Variants in MXI1 observed in about 807,000 individuals in gnomAD.
MXI1 encodes the protein max-interacting protein 1.
Under a neutral mutation model 36.9 loss-of-function variants are expected in MXI1, and 18 were observed. That is an observed-to-expected ratio of 0.49 (90% CI 0.34 to 0.72). The LOEUF is 0.72. Among genes scored for constraint, MXI1 ranks in the 30% least tolerant of loss-of-function variants. MXI1 has a pLI of 0.01. For missense variants in MXI1, 304 were observed against 379.1 expected (o/e 0.80, Z 1.64); for synonymous variants, 160 against 146.7 (o/e 1.09, Z -0.65).
chr10:110,284,185 G>T (rs1857361029), intron 5 of MXI1, among the ~76,000 whole-genome samples: 1 of 151,550 alleles, frequency 6.6e-6, no homozygotes, highest in African/African-American at 2.4e-5. Context: ...CCACCAAAAT[G>T]GATCTCACTA....
chr10:110,239,801 T>C (rs1157947443), intron 2 of MXI1, among the ~76,000 whole-genome samples: 1 of 152,130 alleles, frequency 6.6e-6, no homozygotes, highest in Non-Finnish European at 1.5e-5. Context: ...AAAATGTACA[T>C]ACAAAAAAAG....
At chr10:110,276,546 A>G (rs1232694450) in intron 3 of MXI1, among the ~76,000 whole-genome samples, 1 of 152,182 alleles carries the variant, frequency 6.6e-6, no homozygotes, top group African/African-American at 2.4e-5. Context: ...CTCATTCAGT[A>G]TGGACCAAAT....
chr10:110,237,173 T>C (rs1272349556), intron 2 of MXI1, among the ~76,000 whole-genome samples: 3 of 152,218 alleles, frequency 2.0e-5, no homozygotes, highest in African/African-American at 7.2e-5. Context: ...TTTTATTTCT[T>C]CCATTTCCTT....
intron 3 of MXI1, among the ~76,000 whole-genome samples, chr10:110,261,467 GGCAAAA>G (rs1272672812): frequency 2.7e-5 from 4 of 150,750 alleles, no homozygotes; most frequent in Non-Finnish European, 5.9e-5. Context: ...GAGAGTGTGA[GGCAAAA>G]GCCAAAGCTC....
chr10:110,262,630 T>C (rs566529028), intron 3 of MXI1, among the ~76,000 whole-genome samples: 2 of 152,254 alleles, frequency 1.3e-5, no homozygotes, highest in Admixed American at 1.3e-4. Context: ...TACAGTACTT[T>C]AAAGTAAGAT....
intron 3 of MXI1, among the ~76,000 whole-genome samples, chr10:110,265,615 T>C (rs1403882779): frequency 2.0e-5 from 3 of 152,166 alleles, no homozygotes; most frequent in African/African-American, 7.2e-5. Context: ...GTAATGGGAA[T>C]AGGATAAAAG....
chr10:110,280,751 C>G (rs193274962), intron 5 of MXI1, among the ~76,000 whole-genome samples: 1 of 151,524 alleles, frequency 6.6e-6, no homozygotes, highest in African/African-American at 2.4e-5. Flanking sequence ...TACACGATGT[C>G]GAAGTTTTTA....
chr10:110,226,301 C>T (rs1854965249), intron 1 of MXI1: 1 of 1,491,462 alleles, frequency 6.7e-7, no homozygotes, highest in East Asian at 2.7e-5. Flanking sequence ...CTGGGCGCCG[C>T]TGCGTGAGCC....
intron 3 of MXI1, among the ~76,000 whole-genome samples, chr10:110,259,065 T>C (rs2134425096): frequency 6.6e-6 from 1 of 152,258 alleles, no homozygotes; most frequent in South Asian, 2.1e-4. Context: ...TAACTTGAAA[T>C]TCAGCTTCTA....
At chr10:110,226,089 G>C (rs1590337295) in intron 1 of MXI1, 3 of 1,109,234 alleles carry the variant, frequency 2.7e-6, no homozygotes, top group Non-Finnish European at 3.3e-6. Context: ...AGCCGCGGCC[G>C]AGCTGGCCCG....
intron 2 of MXI1, among the ~76,000 whole-genome samples, chr10:110,242,630 A>G (rs1261553221): frequency 1.3e-5 from 2 of 151,962 alleles, no homozygotes; most frequent in Non-Finnish European, 2.9e-5. Context: ...AAAAGATAAT[A>G]AAGAAATGTC....
At chr10:110,239,612 T>C (rs542595867) in intron 2 of MXI1, among the ~76,000 whole-genome samples, 12 of 152,318 alleles carry the variant, frequency 7.9e-5, no homozygotes, top group Middle Eastern at 3.4e-3. Context: ...CTGTATGATT[T>C]CAGTACTTTT....
At chr10:110,280,363 G>A (rs1181545270) in intron 5 of MXI1, among the ~76,000 whole-genome samples, 5 of 151,698 alleles carry the variant, frequency 3.3e-5, no homozygotes, top group African/African-American at 1.2e-4. Context: ...TTAGATTGAG[G>A]GTATACAGTT....
At chr10:110,233,510 C>G (rs1855346088) in intron 2 of MXI1, among the ~76,000 whole-genome samples, 1 of 151,768 alleles carries the variant, frequency 6.6e-6, no homozygotes, top group South Asian at 2.1e-4. Context: ...TAATTTTTTT[C>G]TACTATTCTG....
chr10:110,236,754 C>T (rs770940589), intron 2 of MXI1, among the ~76,000 whole-genome samples: 4 of 152,196 alleles, frequency 2.6e-5, no homozygotes, highest in East Asian at 1.9e-4. Context: ...AGCCACTGTG[C>T]GTGGCCTGCA....
chr10:110,273,364 T>C (rs558882471), intron 3 of MXI1, among the ~76,000 whole-genome samples: 1 of 152,276 alleles, frequency 6.6e-6, no homozygotes, highest in Non-Finnish European at 1.5e-5. Flanking sequence ...AGCTTTCTTA[T>C]TTCATGAACC....
intron 2 of MXI1, among the ~76,000 whole-genome samples, chr10:110,235,786 G>A (rs922947480): frequency 6.6e-5 from 10 of 151,268 alleles, no homozygotes; most frequent in African/African-American, 1.5e-4. Flanking sequence ...CGAGGCAGGC[G>A]GATCATGAGG....
rs61882791 is a variant in MXI1 at position 110,283,922 on chromosome 10, A to G, written c.725-902A>G. Among the ~76,000 whole-genome samples the G allele has an allele frequency of 3.8e-3, 572 of 151,538 alleles. 2 individuals are homozygous for G. Among genetic ancestry groups the G allele is most frequent in the Non-Finnish European group, 6.6e-3 (449 of 67,860 alleles). ...CTTGGCCTCCCGAGTAGCTGGGACT[A>G]CTGGATCACCCACTATACCCAGCTA... is the stretch of plus-strand genomic sequence containing the variant. On this transcript the variant is annotated intron_variant, in intron 5 of 5. Coordinates refer to ENST00000332674, the MANE Select transcript of MXI1 (RefSeq NM_130439.3).
chr10:110,230,685 A>G (rs375713813), intron 2 of MXI1, among the ~76,000 whole-genome samples: 13 of 152,198 alleles, frequency 8.5e-5, no homozygotes, highest in African/African-American at 3.1e-4. Context: ...AAATTCCAAT[A>G]CTGGGGTATT....
Sources: allele counts gnomAD v4.1 joint callset (sites outside exome capture counted in the v4.1 genomes callset), GRCh38; gene constraint gnomAD v4.1.1; transcripts MANE v1.5; gene names NCBI Gene and HGNC (gene_info 2026-07-23, HGNC 2026-07-21).